The following PIK3R1 variants were observed in gnomAD, a reference collection of about 807,000 sequenced individuals.
The protein encoded by PIK3R1 is phosphoinositide-3-kinase regulatory subunit 1, also known as phosphatidylinositol 3-kinase regulatory subunit alpha.
Under a neutral mutation model 98.0 loss-of-function variants are expected in PIK3R1, and 29 were observed. That is an observed-to-expected ratio of 0.30 (90% confidence interval 0.22 to 0.40). The LOEUF is 0.40. PIK3R1 is among the 10% of genes least tolerant of loss of function. The pLI is 1.00. For missense variants in PIK3R1, 596 were observed against 872.7 expected, an observed-to-expected ratio of 0.68 and a Z score of 3.99; for synonymous variants, 282 against 311.8, an observed-to-expected ratio of 0.90 and a Z score of 1.01.
intron 2 of PIK3R1, among the ~76,000 whole-genome samples, chr5:68,248,218 G>GT (rs1209286608): frequency 4.2e-4 from 64 of 152,190 alleles, no homozygotes; most frequent in Non-Finnish European, 1.2e-4. Flanking sequence ...GACCTCAAGA[G>GT]TGACCCATCT....
At chr5:68,258,481 TTTGTC>T (rs1324635639) in intron 2 of PIK3R1, among the ~76,000 whole-genome samples, 1 of 152,224 alleles carries the variant, frequency 6.6e-6, no homozygotes, top group Non-Finnish European at 1.5e-5. Flanking sequence ...GTTATTTTCA[TTTGTC>T]TTGTAGCCAG....
rs76524864 is a variant in PIK3R1 at position 68,296,850 on chromosome 5, A to G, written c.1985+509A>G. On this transcript the variant is annotated intron_variant, in intron 15 of 15. Transcript: ENST00000521381. ...AGAAATTAATGTCCTCTAGTAGGGA[A>G]TGGTTCTAAAAGTATGTTACACTCC... Among the ~76,000 whole-genome samples the G allele has an allele frequency of 3.9e-3, 587 of 152,326 alleles. 2 individuals are homozygous for G. Among genetic ancestry groups the G allele is most frequent in the African/African-American group, 0.011 (453 of 41,580 alleles).
rs554861916 is a variant in PIK3R1 at position 68,282,357 on chromosome 5, A to T, written c.916+1351A>T. ...GGTAGGGGTGTGGCACATGGCACTT[A>T]AGTTGAGGTTTATGTTAGAGACTAG... is the stretch of plus-strand genomic sequence containing the variant. On this transcript the variant is annotated intron_variant, in intron 7 of 15. Coordinates refer to ENST00000521381, the MANE Select transcript of PIK3R1 (RefSeq NM_181523.3). Among the ~76,000 whole-genome samples the T allele has an allele frequency of 9.9e-5, 15 of 152,102 alleles. No homozygotes were observed. In the East Asian group the frequency reaches 2.3e-3, roughly 24 times the overall value.
At chr5:68,254,027 G>C (rs1037772026) in intron 2 of PIK3R1, among the ~76,000 whole-genome samples, 9 of 116,180 alleles carry the variant, frequency 7.7e-5, no homozygotes, top group Non-Finnish European at 1.2e-4. Context: ...CCAGAATCTT[G>C]AGTGATTTTT....
At chr5:68,257,104 G>A (rs1190408848) in intron 2 of PIK3R1, among the ~76,000 whole-genome samples, 1 of 152,236 alleles carries the variant, frequency 6.6e-6, no homozygotes, top group African/African-American at 2.4e-5. Flanking sequence ...GCCTGGCCCA[G>A]CCAAGCCCAG....
At chr5:68,247,302 T>G (rs756121760) in intron 2 of PIK3R1, among the ~76,000 whole-genome samples, 8 of 152,222 alleles carry the variant, frequency 5.3e-5, no homozygotes, top group Non-Finnish European at 1.0e-4. Context: ...TTTTAGAGGC[T>G]TGATTGATTT....
intron 2 of PIK3R1, among the ~76,000 whole-genome samples, chr5:68,249,799 C>CA (rs1335167022): frequency 8.5e-5 from 13 of 152,284 alleles, no homozygotes; most frequent in African/African-American, 3.1e-4. Context: ...GATACTTTCT[C>CA]AGTCACGTAG....
intron 5 of PIK3R1, 147 bp downstream of exon 5, chr5:68,279,880 C>T: frequency 1.3e-6 from 1 of 756,744 alleles, no homozygotes. Flanking sequence ...AAATTTCCTC[C>T]TCCACCCAAG....
chr5:68,221,897 G>T (rs971376295), intron 1 of PIK3R1, among the ~76,000 whole-genome samples: 2 of 152,158 alleles, frequency 1.3e-5, no homozygotes, highest in African/African-American at 4.8e-5. Flanking sequence ...TTGAAAGACT[G>T]GAGAAAAATT....
At chr5:68,277,874 A>G (rs924279795) in intron 4 of PIK3R1, among the ~76,000 whole-genome samples, 1 of 152,100 alleles carries the variant, frequency 6.6e-6, no homozygotes, top group Non-Finnish European at 1.5e-5. Flanking sequence ...CTCCCTTCCA[A>G]TTTATTCTTA....
intron 15 of PIK3R1, 63 bp from the exon 16 acceptor site, chr5:68,297,349 C>A: frequency 7.6e-7 from 1 of 1,309,854 alleles, no homozygotes; most frequent in Non-Finnish European, 1.1e-6. Context: ...TTAAAGATGC[C>A]CTGAAGAGTT....
At chr5:68,272,447 CTTTAA>C (rs1746402064) in intron 2 of PIK3R1, among the ~76,000 whole-genome samples, 1 of 152,004 alleles carries the variant, frequency 6.6e-6, no homozygotes, top group South Asian at 2.1e-4. Flanking sequence ...TTCATAATGA[CTTTAA>C]TTTACCTTTA....
intron 2 of PIK3R1, among the ~76,000 whole-genome samples, chr5:68,270,526 GT>G (rs1392172880): frequency 2.0e-5 from 3 of 151,838 alleles, no homozygotes; most frequent in Non-Finnish European, 2.9e-5. Context: ...CAACATTAAA[GT>G]TTTTTTTAAT....
chr5:68,286,086 T>C (rs1747065160), intron 7 of PIK3R1, among the ~76,000 whole-genome samples: 1 of 152,232 alleles, frequency 6.6e-6, no homozygotes, highest in African/African-American at 2.4e-5. Context: ...ATATGAAATA[T>C]AGTATTCAGT....
intron 2 of PIK3R1, among the ~76,000 whole-genome samples, chr5:68,273,098 C>T (rs1746428676): frequency 6.6e-6 from 1 of 152,136 alleles, no homozygotes; most frequent in Non-Finnish European, 1.5e-5. Context: ...ACTCCCCCCA[C>T]CTTTGGGGCC....
Position 68,277,444 on chromosome 5 carries a change from T to G in PIK3R1, c.503-2158T>G, listed in dbSNP as rs566042927. 3.3e-5 allele frequency among the ~76,000 whole-genome samples: 5 copies of G among 152,334 alleles called. No individual in the cohort carries two copies. The South Asian group carries it at 1.0e-3, about 32-fold the overall frequency. On this transcript the variant is annotated intron_variant, in intron 4 of 15. Transcript: ENST00000521381. ...CACTTCGCCTCTTCACCTTTTAAAT[T>G]TAATAATTCTTTTCCTCAAGTTGAC... is the stretch of plus-strand genomic sequence containing the variant.
intron 15 of PIK3R1, 104 bp downstream of exon 15, chr5:68,296,445 T>G: frequency 9.3e-7 from 1 of 1,076,834 alleles, no homozygotes; most frequent in Non-Finnish European, 1.4e-6. Context: ...AGTTTTAGTC[T>G]TGAATAAGCT....
chr5:68,240,690 T>G (rs1410434466), intron 2 of PIK3R1, among the ~76,000 whole-genome samples: 1 of 152,268 alleles, frequency 6.6e-6, no homozygotes, highest in Non-Finnish European at 1.5e-5. Context: ...CTGCTTTCGG[T>G]GAATGCCAAT....
At position 68,273,367 on chromosome 5, in the gene PIK3R1, T is replaced by C; in HGVS notation, c.335-23T>C. 2.5e-6 allele frequency: 4 copies of C among 1,602,318 alleles called. 1 individual carries two copies. Among genetic ancestry groups the C allele is most frequent in the Middle Eastern group, 3.3e-4 (2 of 6,042 alleles). On this transcript the variant is annotated intron_variant, in intron 2 of 15. Transcript: ENST00000521381. The stretch of plus-strand genomic sequence containing the variant: ...ATTCAACTATCCAAATTAAATACAA[T>C]GGTGGGATTTTGTTGTTTGCAGCTT...
Sources: gnomAD v4.1 joint callset for allele counts (sites outside exome capture counted in the v4.1 genomes callset) on GRCh38, gnomAD v4.1.1 for gene constraint, MANE v1.5 for transcripts, NCBI Gene and HGNC (gene_info 2026-07-23, HGNC 2026-07-21) for gene names.